SLC35F3: variants seen among roughly 807,000 people sequenced by gnomAD.
SLC35F3 encodes the protein putative thiamine transporter SLC35F3.
Under a neutral mutation model 49.9 loss-of-function variants are expected in SLC35F3, and 25 were observed. The observed-to-expected ratio is 0.50, with a 90% CI of 0.37 to 0.70. SLC35F3 has a LOEUF of 0.70. Ranked by LOEUF, SLC35F3 falls within the 30% of genes least tolerant of loss-of-function variation. The pLI, the probability that SLC35F3 is intolerant of heterozygous loss-of-function variation, is 0.00. For synonymous variants in SLC35F3, 275 were observed against 265.4 expected, an observed-to-expected ratio of 1.04 and a Z score of -0.35; for missense variants, 525 against 639.8, an observed-to-expected ratio of 0.82 and a Z score of 1.94.
chr1:234,125,363 G>A (rs542723818), intron 2 of SLC35F3, among the ~76,000 whole-genome samples: 2 of 152,258 alleles, frequency 1.3e-5, no homozygotes, highest in Admixed American at 6.5e-5. Flanking sequence ...CTTCCTCCCT[G>A]CGCTACATCC....
intron 1 of SLC35F3, 84 bp from the exon 2 acceptor site, chr1:233,905,445 C>G (rs1025202180): frequency 9.4e-7 from 1 of 1,065,952 alleles, no homozygotes; most frequent in South Asian, 1.6e-5. Context: ...TGCTCTCGCC[C>G]TGGGATCTGC....
chr1:234,026,071 T>C (rs982786600), intron 2 of SLC35F3, among the ~76,000 whole-genome samples: 6 of 152,214 alleles, frequency 3.9e-5, no homozygotes, highest in Middle Eastern at 3.2e-3. Context: ...CTTTCCCCAT[T>C]ATGTACTGTT....
chr1:233,947,793 T>G (rs114106138), intron 2 of SLC35F3, among the ~76,000 whole-genome samples: 15,344 of 147,126 alleles, frequency 0.1, 1,023 homozygotes, highest in African/African-American at 0.15. Context: ...AGAGAGAATG[T>G]GTGAACGTGT....
chr1:234,068,112 T>C (rs568917198), intron 2 of SLC35F3, among the ~76,000 whole-genome samples: 19 of 152,084 alleles, frequency 1.2e-4, no homozygotes, highest in Non-Finnish European at 2.5e-4. Flanking sequence ...ATGAACCACT[T>C]ATGAGATTGG....
chr1:234,318,053 C>T (rs1026920018), intron 5 of SLC35F3, among the ~76,000 whole-genome samples: 2 of 152,132 alleles, frequency 1.3e-5, no homozygotes, highest in Non-Finnish European at 2.9e-5. Flanking sequence ...AAGGAGAAAG[C>T]AGGAAAAGTA....
At chr1:234,074,898 G>A (rs1345912543) in intron 2 of SLC35F3, among the ~76,000 whole-genome samples, 1 of 152,164 alleles carries the variant, frequency 6.6e-6, no homozygotes, top group Non-Finnish European at 1.5e-5. Flanking sequence ...AGATGTCTGG[G>A]GAGGAGCTGA....
chr1:234,087,454 G>C (rs534604405), intron 2 of SLC35F3, among the ~76,000 whole-genome samples: 2 of 152,174 alleles, frequency 1.3e-5, no homozygotes, highest in East Asian at 3.9e-4. Flanking sequence ...GAACTGCCCA[G>C]AGTTAAGTGT....
At chr1:234,308,302 T>C (rs1269767384) in intron 3 of SLC35F3, among the ~76,000 whole-genome samples, 1 of 152,194 alleles carries the variant, frequency 6.6e-6, no homozygotes, top group Non-Finnish European at 1.5e-5. Flanking sequence ...TAATTCCAAC[T>C]GAGGGCAACA....
At chr1:233,985,946 G>A (rs1663260190) in intron 2 of SLC35F3, among the ~76,000 whole-genome samples, 1 of 152,198 alleles carries the variant, frequency 6.6e-6, no homozygotes, top group African/African-American at 2.4e-5. Context: ...GTTGAAGATT[G>A]AAGGCTCTGG....
chr1:234,270,501 A>T (rs1668080820), intron 3 of SLC35F3, among the ~76,000 whole-genome samples: 2 of 152,234 alleles, frequency 1.3e-5, no homozygotes, highest in African/African-American at 4.8e-5. Flanking sequence ...TTTAGGCTAA[A>T]TTAAACATTT....
chr1:234,257,123 G>A (rs1314373989), intron 3 of SLC35F3, among the ~76,000 whole-genome samples: 1 of 152,174 alleles, frequency 6.6e-6, no homozygotes, highest in African/African-American at 2.4e-5. Flanking sequence ...GAGATAAGTA[G>A]GTTGGGGATA....
intron 2 of SLC35F3, among the ~76,000 whole-genome samples, chr1:234,057,336 C>T (rs1170420060): frequency 6.6e-6 from 1 of 152,060 alleles, no homozygotes; most frequent in East Asian, 1.9e-4. Context: ...TAATTTCTTT[C>T]AGCATTTTAG....
intron 2 of SLC35F3, chr1:234,026,901 A>G (rs970990300): frequency 2.0e-5 from 3 of 152,356 alleles, no homozygotes; most frequent in African/African-American, 4.8e-5. Flanking sequence ...AATTCCCACA[A>G]GGATGACAAA....
chr1:234,261,446 C>T (rs980024227), intron 3 of SLC35F3, among the ~76,000 whole-genome samples: 2 of 152,054 alleles, frequency 1.3e-5, no homozygotes, highest in Non-Finnish European at 2.9e-5. Flanking sequence ...TGGATGTTGC[C>T]GTGGCATTTG....
At position 234,243,027 on chromosome 1, in the gene SLC35F3, G is replaced by T. The variant is rs903701265; in HGVS notation, c.608+11286G>T. ...CTATGAATTAGTGGGGGAGTAGGGG[G>T]AATGGGTCTTCCAAATGCTTATTGG... On this transcript the variant is annotated intron_variant, in intron 3 of 7. Transcript: ENST00000366618. 3.3e-5 allele frequency among the ~76,000 whole-genome samples: 5 copies of T among 152,258 alleles called. No individual in the cohort carries two copies. In the South Asian group the frequency reaches 6.2e-4, roughly 19 times the overall value.
intron 2 of SLC35F3, among the ~76,000 whole-genome samples, chr1:234,045,540 C>T (rs974781773): frequency 2.6e-5 from 4 of 152,092 alleles, no homozygotes; most frequent in African/African-American, 9.7e-5. Flanking sequence ...CTATGAAGTG[C>T]AAGAGCCAGC....
At chr1:234,086,580 A>G (rs1305293304) in intron 2 of SLC35F3, among the ~76,000 whole-genome samples, 3 of 152,250 alleles carry the variant, frequency 2.0e-5, no homozygotes, top group Non-Finnish European at 4.4e-5. Flanking sequence ...AATCCTTCAC[A>G]TAGCACAGTA....
At chr1:234,275,121 T>A (rs1191130668) in intron 3 of SLC35F3, among the ~76,000 whole-genome samples, 2 of 152,126 alleles carry the variant, frequency 1.3e-5, no homozygotes, top group African/African-American at 2.4e-5. Context: ...AAGACCCAAG[T>A]GGAAAATTTC....
intron 4 of SLC35F3, among the ~76,000 whole-genome samples, chr1:234,313,001 T>C (rs1657396613): frequency 6.6e-6 from 1 of 152,068 alleles, no homozygotes; most frequent in African/African-American, 2.4e-5. Flanking sequence ...CTCAACCTCC[T>C]GAGTAGCTGG....
Sources: allele counts gnomAD v4.1 joint callset (sites outside exome capture counted in the v4.1 genomes callset), GRCh38; gene constraint gnomAD v4.1.1; transcripts MANE v1.5; gene names NCBI Gene and HGNC (gene_info 2026-07-23, HGNC 2026-07-21).